The following MAP4K1 variants were observed in gnomAD, a reference collection of about 807,000 sequenced individuals.
The protein encoded by MAP4K1 is MAPK/ERK kinase kinase kinase 1.
Under a neutral mutation model 122.8 loss-of-function variants are expected in MAP4K1, and 35 were observed. The ratio of observed to expected loss-of-function variants is 0.29; its 90% CI spans 0.22 to 0.38. The LOEUF (loss-of-function observed/expected upper bound fraction) is 0.38, where lower values mean the gene tolerates loss of function less well. Among genes scored for constraint, MAP4K1 ranks in the 10% least tolerant of loss-of-function variants. The pLI, the probability that MAP4K1 is intolerant of heterozygous loss-of-function variation, is 1.00. For synonymous variants in MAP4K1, 412 were observed against 421.3 expected (o/e 0.98, Z 0.27); for missense variants, 791 against 1,072.6 (o/e 0.74, Z 3.67).
chr19:38,596,885 C>T, intron 25 of MAP4K1, 149 bp downstream of exon 25: 3 of 724,630 alleles, frequency 4.1e-6, no homozygotes, highest in Non-Finnish European at 7.0e-6. Flanking sequence ...AGGCTCCAAG[C>T]GCAGACCGCA....
Position 38,614,284 on chromosome 19 carries a change from G to A in MAP4K1, c.378C>T (p.Ala126=). The A allele has an allele frequency of 6.2e-7, 1 of 1,614,078 alleles. No homozygotes were observed. The highest frequency in any genetic ancestry group is 8.5e-7 in the Non-Finnish European group (1 of 1,179,992). The part of the protein sequence containing the change: ...YVCREVLQGL[A]YLHSQKKIHR... ...GTATCTTCTTCTGTGAGTGCAAATAGGCCAGTCCCTGGGGAGAAGGGTGGA... is the reference window on the plus strand; with the variant it reads ...GTATCTTCTTCTGTGAGTGCAAATAAGCCAGTCCCTGGGGAGAAGGGTGGA... The change falls in exon 6 of 31, where the codon GCC becomes GCT. Residue 126 remains alanine (A), a synonymous_variant. Coordinates refer to ENST00000396857, the MANE Select transcript of MAP4K1 (RefSeq NM_001042600.3).
chr19:38,599,034 A>AG (rs1191365712), intron 22 of MAP4K1, among the ~76,000 whole-genome samples: 99 of 147,122 alleles, frequency 6.7e-4, no homozygotes, highest in Non-Finnish European at 1.1e-3. Flanking sequence ...AAAAAAAAAA[A>AG]AGGACTAATT....
chr19:38,605,623 G>T lies in MAP4K1; in HGVS notation c.1308C>A (p.Ser436Arg), dbSNP rs1436276001. ...TGGATGGGGGAGGCCCAGGACGGGG[G>T]CTGTTTGGTGGGGGCCCACTGGCAC... ...VRCASGPPPN[S>R]PRPGPPPSTS... The change falls in exon 18 of 31, where the codon AGC (serine) becomes AGA (arginine). Residue 436 changes from serine to arginine, a missense_variant. Around this residue, in one of 4 missense-constraint regions of MAP4K1, gnomAD observed 303 missense variants for 344.8 expected, o/e 0.88. Coordinates refer to ENST00000396857, the MANE Select transcript of MAP4K1 (RefSeq NM_001042600.3). The T allele has an allele frequency of 6.3e-7, 1 of 1,582,400 alleles. No homozygotes were observed. The highest frequency in any genetic ancestry group is 8.6e-7 in the Non-Finnish European group (1 of 1,165,580).
At chr19:38,594,716 A>G (rs1974818133) in intron 29 of MAP4K1, among the ~76,000 whole-genome samples, 1 of 152,028 alleles carries the variant, frequency 6.6e-6, no homozygotes, top group Non-Finnish European at 1.5e-5. Flanking sequence ...AGGAAGGCAG[A>G]TTGGCTGAGC....
intron 30 of MAP4K1, 39 bp from the exon 31 acceptor site, chr19:38,587,856 C>T: frequency 6.9e-7 from 1 of 1,450,686 alleles, no homozygotes; most frequent in East Asian, 2.3e-5. Flanking sequence ...TTTATTCATT[C>T]ATATGTTCAT....
chr19:38,607,497 T>C (rs1599712243), intron 16 of MAP4K1, among the ~76,000 whole-genome samples: 1 of 146,514 alleles, frequency 6.8e-6, no homozygotes, highest in Non-Finnish European at 1.5e-5. Flanking sequence ...GGAGCCGAGG[T>C]TGTAGTGAGC....
chr19:38,599,863 GC>G, intron 22 of MAP4K1, 61 bp downstream of exon 22: 3 of 1,506,040 alleles, frequency 2.0e-6, no homozygotes, highest in Middle Eastern at 1.7e-4. Flanking sequence ...CTACTTCCCA[GC>G]CCCCGAACCC....
intron 13 of MAP4K1, among the ~76,000 whole-genome samples, chr19:38,609,178 G>A (rs1360207427): frequency 6.6e-6 from 1 of 152,014 alleles, no homozygotes; most frequent in Non-Finnish European, 1.5e-5. Context: ...CTTGTCACCT[G>A]GACTGGAGTG....
In MAP4K1 at chr19:38,609,877, T is replaced by A. The variant is rs564361928; in HGVS notation, c.927+32A>T. 10 of 1,573,376 alleles carry A rather than the reference T, an allele frequency of 6.4e-6. No homozygotes were observed. The South Asian group carries it at 1.1e-4, about 17-fold the overall frequency. ...GCACAGCCTGAGAAAGACCGAGAGGTCCCCAGTGCTCTTGTCAGCCAAGGC... is the reference window on the plus strand; with the variant it reads ...GCACAGCCTGAGAAAGACCGAGAGGACCCCAGTGCTCTTGTCAGCCAAGGC... On this transcript the variant is annotated intron_variant, in intron 12 of 30. Transcript: ENST00000396857.
At chr19:38,596,085 T>C (rs1295934308) in intron 26 of MAP4K1, 84 bp from the exon 27 acceptor site, 3 of 1,441,284 alleles carry the variant, frequency 2.1e-6, no homozygotes, top group Non-Finnish European at 2.9e-6. Context: ...TACCTGTGCT[T>C]TAGCCACCGC....
chr19:38,615,313 C>T (rs777373362), intron 4 of MAP4K1, among the ~76,000 whole-genome samples: 5 of 151,584 alleles, frequency 3.3e-5, no homozygotes, highest in East Asian at 1.9e-4. Context: ...GCTTCTCCTC[C>T]GAGAGAAATG....
In MAP4K1 at chr19:38,617,291, A is replaced by T. The variant is rs1975674875; in HGVS notation, c.248+63T>A. 1 of 1,111,190 alleles carries T rather than the reference A, an allele frequency of 9.0e-7. No homozygotes were observed. 68.8% of individuals were successfully genotyped at this position (1,111,190 alleles called of 1,614,324 possible). ...AAAAAGAACTGAGGGTACCCCCATC[A>T]AGAAATGGGGACTCCGGGTTAGGGG... On this transcript the variant is annotated intron_variant, in intron 3 of 30. Transcript: ENST00000396857. The surrounding 1 kb of genome is among the most constrained non-coding windows in gnomAD (Gnocchi z 4.1).
chr19:38,598,540 C>T (rs889922796), intron 22 of MAP4K1, among the ~76,000 whole-genome samples: 1 of 152,052 alleles, frequency 6.6e-6, no homozygotes, highest in Admixed American at 6.6e-5. Flanking sequence ...CTATGTTGCC[C>T]AGGCTGATCT....
chr19:38,607,929 T>C lies in MAP4K1; in HGVS notation c.1110-18A>G, dbSNP rs1223496478. The C allele has an allele frequency of 6.2e-7, 1 of 1,612,490 alleles. No homozygotes were observed. Among genetic ancestry groups the C allele is most frequent in the East Asian group, 2.2e-5 (1 of 44,834 alleles). On this transcript the variant is annotated intron_variant, in intron 15 of 30. Transcript: ENST00000396857. ...GTTGCTTCCTGAAGGGTGACAGGTA[T>C]GAGCCTTGGGGGCCTTGTCCACATT...
Position 38,599,908 on chromosome 19 carries a change from G to A in MAP4K1, c.1669+17C>T. The stretch of plus-strand genomic sequence containing the variant: ...CTTAACTTCCGACCCCATCCCACCT[G>A]CTACCCACAGCCAGACCTGAGAGAG... On this transcript the variant is annotated intron_variant, in intron 22 of 30. Coordinates refer to ENST00000396857, the MANE Select transcript of MAP4K1 (RefSeq NM_001042600.3). The A allele has an allele frequency of 6.2e-7, 1 of 1,613,626 alleles. No homozygotes were observed. The highest frequency in any genetic ancestry group is 8.5e-7 in the Non-Finnish European group (1 of 1,179,660).
rs554826751 is a variant in MAP4K1 at position 38,595,190 on chromosome 19, G to A, written c.2340+295C>T. On this transcript the variant is annotated intron_variant, in intron 29 of 30. Coordinates refer to ENST00000396857, the MANE Select transcript of MAP4K1 (RefSeq NM_001042600.3). The stretch of plus-strand genomic sequence containing the variant: ...TGTAATCCCAGCTACTTGGGAGGCC[G>A]AGGCAGGAGAATCGCGTGAACCCGG... 3.3e-5 allele frequency among the ~76,000 whole-genome samples: 5 copies of A among 152,022 alleles called. No homozygotes were observed. The South Asian group carries it at 6.2e-4, about 19-fold the overall frequency.
chr19:38,596,251 T>C, intron 26 of MAP4K1, 61 bp downstream of exon 26: 3 of 1,480,896 alleles, frequency 2.0e-6, no homozygotes, highest in Non-Finnish European at 2.7e-6. Context: ...AAGCCCCGCC[T>C]CCAGCTCCGC....
chr19:38,598,996 G>C (rs1454684907), intron 22 of MAP4K1, among the ~76,000 whole-genome samples: 3 of 127,310 alleles, frequency 2.4e-5, no homozygotes, highest in African/African-American at 9.0e-5. Flanking sequence ...CTGGGCAACA[G>C]AGTGAGAGTC....
rs141309636 is a variant in MAP4K1, at chr19:38,603,003, T to C, written c.1447-1478A>G. 1.6e-3 allele frequency among the ~76,000 whole-genome samples: 237 copies of C among 146,290 alleles called. 12 individuals are homozygous for C. In the East Asian group the frequency reaches 0.029, roughly 18 times the overall value. ...ACGCATATACATATATACATATACATATATACACACATATACATGTATACA... is the reference window on the plus strand; with the variant it reads ...ACGCATATACATATATACATATACACATATACACACATATACATGTATACA... On this transcript the variant is annotated intron_variant, in intron 19 of 30. Coordinates refer to ENST00000396857, the MANE Select transcript of MAP4K1 (RefSeq NM_001042600.3).
Sources: allele counts gnomAD v4.1 joint callset (sites outside exome capture counted in the v4.1 genomes callset), GRCh38; gene constraint gnomAD v4.1.1; regional missense constraint gnomAD v4.1.1; non-coding constraint Gnocchi (gnomAD v3.1); transcripts MANE v1.5; gene names NCBI Gene and HGNC (gene_info 2026-07-23, HGNC 2026-07-21).